LY75: variants seen among roughly 807,000 people sequenced by gnomAD.
The protein encoded by LY75 is C-type lectin domain family 13 member B.
In LY75, 185 loss-of-function variants were observed where a neutral mutation model predicts 231.7. The observed-to-expected ratio is 0.80, with a 90% confidence interval of 0.71 to 0.90. The LOEUF is 0.90. Among genes scored for constraint, LY75 ranks in the 40% least tolerant of loss-of-function variants. The probability of loss-of-function intolerance (pLI) is 0.00; values close to 1 mark genes in which losing one functional copy is unlikely to be tolerated. For missense variants in LY75, 1,947 were observed against 2,050.2 expected, an observed-to-expected ratio of 0.95 and a Z score of 0.97; for synonymous variants, 668 against 689.0, an observed-to-expected ratio of 0.97 and a Z score of 0.48.
chr2:159,854,766 C>G (rs987515523), intron 17 of LY75, 138 bp downstream of exon 17: 3 of 1,308,866 alleles, frequency 2.3e-6, no homozygotes, highest in East Asian at 5.0e-5. Context: ...CCATACCAGT[C>G]GCTCACCTTC....
intron 11 of LY75, 115 bp downstream of exon 11, chr2:159,878,209 T>A: frequency 7.2e-7 from 1 of 1,391,356 alleles, no homozygotes; most frequent in African/African-American, 1.4e-5. Flanking sequence ...TAGACTCCAA[T>A]CCTGAAGATC....
At chr2:159,899,903 C>T (rs371888045) in intron 1 of LY75, among the ~76,000 whole-genome samples, 41 of 152,190 alleles carry the variant, frequency 2.7e-4, no homozygotes, top group African/African-American at 9.2e-4. Flanking sequence ...TCATCACAGT[C>T]GTCTGCAACT....
In LY75 at chr2:159,893,966, G is replaced by A; in HGVS notation, c.585C>T (p.Ala195=). The stretch of plus-strand genomic sequence containing the variant: ...GGTCATATTCATAATTTAAGGTGGT[G>A]GCACACCATGGCCCACTATGATCTT... ...LDEDHSGPWC[A]TTLNYEYDRK... Residue 195 remains alanine, a synonymous_variant, in exon 3 of 35, where the codon GCC becomes GCT. Coordinates refer to ENST00000263636, the MANE Select transcript of LY75 (RefSeq NM_002349.4). 6.2e-7 allele frequency: 1 copy of A among 1,613,716 alleles called. No homozygotes were observed. The highest frequency in any genetic ancestry group is 2.2e-5 in the East Asian group (1 of 44,868).
chr2:159,846,613 T>C (rs554010540), intron 23 of LY75, among the ~76,000 whole-genome samples: 34 of 152,232 alleles, frequency 2.2e-4, no homozygotes, highest in Non-Finnish European at 3.5e-4. Context: ...TGATGGACTT[T>C]CTAACCTAAA....
Position 159,872,551 on chromosome 2 carries a change from C to A in LY75, c.2017G>T (p.Glu673Ter). The A allele has an allele frequency of 6.2e-7, 1 of 1,613,926 alleles. No homozygotes were observed. Among genetic ancestry groups the A allele is most frequent in the Non-Finnish European group, 8.5e-7 (1 of 1,179,860 alleles). Reference protein sequence around the residue: ...ERIVRKRNWEEAERFCQALGA... With the variant: ...ERIVRKRNWE ...AGGGCTTGGCAGAATCGTTCAGCTT[C>A]TTCCCAGTTCCTCTTTCTTACAATT... The change falls in exon 13 of 35, where the codon GAA (glutamate) becomes TAA (stop). Residue 673 changes from glutamate (E) to a stop codon, truncating the protein, a stop_gained. Transcript: ENST00000263636. LOFTEE classifies it high-confidence loss of function.
chr2:159,879,878 C>T (rs767383468), intron 8 of LY75, among the ~76,000 whole-genome samples: 13 of 152,176 alleles, frequency 8.5e-5, no homozygotes, highest in Non-Finnish European at 1.9e-4. Flanking sequence ...TTCATATATG[C>T]TACTTAACAT....
chr2:159,848,166 G>GTGTA (rs1684273433), intron 23 of LY75, among the ~76,000 whole-genome samples: 4 of 139,628 alleles, frequency 2.9e-5, no homozygotes, highest in African/African-American at 1.1e-4. Flanking sequence ...GTGTGTGTGT[G>GTGTA]TATATGTATA....
At chr2:159,810,346 C>T (rs1682922405) in intron 32 of LY75, among the ~76,000 whole-genome samples, 180 bp downstream of exon 32, 1 of 151,812 alleles carries the variant, frequency 6.6e-6, no homozygotes, top group Non-Finnish European at 1.5e-5. Flanking sequence ...TCATTGAGTT[C>T]CTATGTCATC....
intron 2 of LY75, among the ~76,000 whole-genome samples, chr2:159,895,051 C>T (rs1685872379): frequency 6.6e-6 from 1 of 152,146 alleles, no homozygotes; most frequent in Non-Finnish European, 1.5e-5. Flanking sequence ...TCACCGTTTA[C>T]CAGGCAATTA....
rs114982623 is a variant in LY75 at position 159,897,025 on chromosome 2, T to G, written c.466+1663A>C. ...TCTGGGTGGTCCCCTGGGTAGATCC[T>G]TAACCTTTTTTGTGCTACTGATCTC... On this transcript the variant is annotated intron_variant, in intron 2 of 34. Transcript: ENST00000263636. Among the ~76,000 whole-genome samples the G allele has an allele frequency of 3.4e-3, 517 of 152,286 alleles. 3 individuals are homozygous for G. Among genetic ancestry groups the G allele is most frequent in the African/African-American group, 0.012 (507 of 41,548 alleles).
chr2:159,880,235 C>T lies in LY75; in HGVS notation c.1404+848G>A, dbSNP rs374792548. 3.9e-5 allele frequency among the ~76,000 whole-genome samples: 6 copies of T among 152,306 alleles called. No individual in the cohort carries two copies. In the East Asian group the frequency reaches 1.2e-3, roughly 29 times the overall value. ...AAACAAAACGTAGAGGTACATATAT[C>T]TTTTCTGCTCAAGACACAGCCTATT... On this transcript the variant is annotated intron_variant, in intron 8 of 34. Coordinates refer to ENST00000263636, the MANE Select transcript of LY75 (RefSeq NM_002349.4).
At chr2:159,831,616 T>G (rs1276638029) in intron 28 of LY75, 54 bp downstream of exon 28, 3 of 1,567,874 alleles carry the variant, frequency 1.9e-6, no homozygotes, top group East Asian at 4.5e-5. Flanking sequence ...TTGATAATTA[T>G]GTTATAATGA....
chr2:159,824,378 T>A (rs1292128960), intron 28 of LY75, among the ~76,000 whole-genome samples: 1 of 152,142 alleles, frequency 6.6e-6, no homozygotes, highest in Non-Finnish European at 1.5e-5. Context: ...AGAAGGCCAT[T>A]ACATAATGGT....
At chr2:159,847,189 T>C (rs1684228225) in intron 23 of LY75, among the ~76,000 whole-genome samples, 1 of 152,138 alleles carries the variant, frequency 6.6e-6, no homozygotes, top group African/African-American at 2.4e-5. Context: ...TTTTTTGTAC[T>C]TCTTAGTAGA....
intron 4 of LY75, among the ~76,000 whole-genome samples, chr2:159,887,609 CAG>C (rs1273518955): frequency 1.4e-5 from 2 of 146,592 alleles, no homozygotes; most frequent in Non-Finnish European, 3.0e-5. Context: ...AGATAGAAAG[CAG>C]AGTTTTAGAG....
chr2:159,825,570 A>G (rs993423592), intron 28 of LY75, among the ~76,000 whole-genome samples: 1 of 152,192 alleles, frequency 6.6e-6, no homozygotes, highest in African/African-American at 2.4e-5. Context: ...ACTATTCCAA[A>G]CAATAGAAAA....
At position 159,878,733 on chromosome 2, in the gene LY75, G is replaced by A. The variant is rs745678828; in HGVS notation, c.1516-12C>T. The A allele has an allele frequency of 1.9e-6, 3 of 1,613,324 alleles. No individual in the cohort carries two copies. The highest frequency in any genetic ancestry group is 2.5e-6 in the Non-Finnish European group (3 of 1,179,720). ...TGTCTCTTCCAGCCCTAAGTCAGAG[G>A]AAAAATATTGTCAAACTCTTTTCCA... On this transcript the variant is annotated splice_polypyrimidine_tract_variant and intron_variant, in intron 9 of 34. Coordinates refer to ENST00000263636, the MANE Select transcript of LY75 (RefSeq NM_002349.4).
rs759568743 is a variant in LY75 at position 159,805,104 on chromosome 2, T to C, written c.5109A>G (p.Ser1703=). The change falls in exon 35 of 35, where the codon TCA becomes TCG. Residue 1703 remains serine (S), a synonymous_variant. Coordinates refer to ENST00000263636, the MANE Select transcript of LY75 (RefSeq NM_002349.4). ...CATTCACTCCTTGTGCATATCGAACTGATGAGAAACCCGCCAGGTGCAAAC... is the reference window on the plus strand; with the variant it reads ...CATTCACTCCTTGTGCATATCGAACCGATGAGAAACCCGCCAGGTGCAAAC... ...RHRLHLAGFS[S]VRYAQGVNED... 3 of 1,614,128 alleles carry C rather than the reference T, an allele frequency of 1.9e-6. No individual in the cohort carries two copies. Among genetic ancestry groups the C allele is most frequent in the Middle Eastern group, 1.6e-4 (1 of 6,062 alleles).
chr2:159,864,789 GAAAC>G (rs1350247924), intron 14 of LY75, 46 bp downstream of exon 14: 9 of 1,458,432 alleles, frequency 6.2e-6, no homozygotes, highest in Non-Finnish European at 8.2e-6. Flanking sequence ...ACTTGTTATT[GAAAC>G]AAACAGTGTT....
Sources: gnomAD v4.1 joint callset for allele counts (sites outside exome capture counted in the v4.1 genomes callset) on GRCh38, gnomAD v4.1.1 for gene constraint, MANE v1.5 for transcripts, NCBI Gene and HGNC (gene_info 2026-07-23, HGNC 2026-07-21) for gene names.